Variants in INPP4B observed in about 807,000 individuals in gnomAD.
INPP4B encodes the protein inositol polyphosphate-4-phosphatase type II B.
Under a neutral mutation model 122.5 loss-of-function variants are expected in INPP4B, and 55 were observed. That is an observed-to-expected ratio of 0.45 (90% CI 0.36 to 0.56). The LOEUF (loss-of-function observed/expected upper bound fraction) is 0.56. INPP4B is among the 20% of genes least tolerant of loss of function. The pLI is 0.00. For missense variants in INPP4B, 1,000 were observed against 1,097.7 expected (o/e 0.91, Z 1.26); for synonymous variants, 403 against 388.7 (o/e 1.04, Z -0.43).
intron 2 of INPP4B, among the ~76,000 whole-genome samples, chr4:142,667,824 T>A (rs932833468): frequency 6.6e-6 from 1 of 152,142 alleles, no homozygotes; most frequent in African/African-American, 2.4e-5. Context: ...AATCTGAAAC[T>A]AAGTGCTATG....
intron 2 of INPP4B, among the ~76,000 whole-genome samples, chr4:142,535,379 G>A (rs532697716): frequency 1.3e-5 from 2 of 152,140 alleles, no homozygotes; most frequent in South Asian, 4.1e-4. Flanking sequence ...AATACTTCCT[G>A]TACTTTGGGC....
intron 2 of INPP4B, among the ~76,000 whole-genome samples, chr4:142,641,524 G>T (rs1023170040): frequency 2.6e-5 from 4 of 151,364 alleles, no homozygotes; most frequent in Non-Finnish European, 5.9e-5. Context: ...GCGGTGTTTG[G>T]TTTTTTATCC....
chr4:142,108,464 A>G (rs1397710176), intron 22 of INPP4B, among the ~76,000 whole-genome samples: 1 of 98,074 alleles, frequency 1.0e-5, no homozygotes, highest in Non-Finnish European at 2.6e-5. Context: ...GTCTCTGTGC[A>G]TGGACATAAT....
At chr4:142,032,182 A>G (rs180854785) in intron 25 of INPP4B, among the ~76,000 whole-genome samples, 16 of 152,236 alleles carry the variant, frequency 1.1e-4, no homozygotes, top group African/African-American at 2.2e-4. Context: ...AGGGGACTGG[A>G]AAGTTTAGGC....
At chr4:142,373,767 T>C (rs1790791841) in intron 7 of INPP4B, among the ~76,000 whole-genome samples, 1 of 152,106 alleles carries the variant, frequency 6.6e-6, no homozygotes, top group South Asian at 2.1e-4. Flanking sequence ...TTAATATAAA[T>C]AAAGAGTCAT....
intron 2 of INPP4B, among the ~76,000 whole-genome samples, chr4:142,618,995 C>T (rs1744301886): frequency 6.6e-6 from 1 of 152,010 alleles, no homozygotes; most frequent in South Asian, 2.1e-4. Flanking sequence ...TGCTGCCCAA[C>T]ATCACTCATC....
At chr4:142,334,398 A>G (rs1216527765) in intron 7 of INPP4B, among the ~76,000 whole-genome samples, 1 of 152,188 alleles carries the variant, frequency 6.6e-6, no homozygotes, top group Non-Finnish European at 1.5e-5. Context: ...TATTGTGAAT[A>G]ATGCTGCAAT....
chr4:142,383,931 A>T, intron 7 of INPP4B: 1 of 583,258 alleles, frequency 1.7e-6, no homozygotes. Flanking sequence ...CAGCTATTTC[A>T]CAAGAAAACT....
intron 11 of INPP4B, among the ~76,000 whole-genome samples, chr4:142,253,526 G>C (rs1430497104): frequency 6.6e-6 from 1 of 152,202 alleles, no homozygotes; most frequent in Non-Finnish European, 1.5e-5. Flanking sequence ...GCAGGGCGAG[G>C]CATTGCCTCA....
chr4:142,355,418 ATTAAT>A (rs1386005956), intron 7 of INPP4B, among the ~76,000 whole-genome samples: 1 of 152,020 alleles, frequency 6.6e-6, no homozygotes, highest in Non-Finnish European at 1.5e-5. Context: ...GTTACAGGTC[ATTAAT>A]TTATTTATTC....
Position 142,025,829 on chromosome 4 carries a change from C to T in INPP4B, c.*2953G>A, listed in dbSNP as rs1440678163. On this transcript the variant is annotated 3_prime_UTR_variant, in exon 26 of 26. Transcript: ENST00000262992. ...ATTTAGTACAATTTATCACTTGGAA[C>T]AAATGGTTGCTCGACTCACTGAATT... 1 of 152,086 alleles carries T rather than the reference C, an allele frequency of 6.6e-6. No individual in the cohort carries two copies. Among genetic ancestry groups the T allele is most frequent in the Non-Finnish European group, 1.5e-5 (1 of 68,028 alleles). 9.4% of individuals were successfully genotyped at this position (152,086 alleles called of 1,614,324 possible).
intron 11 of INPP4B, among the ~76,000 whole-genome samples, chr4:142,252,939 G>C (rs757643548): frequency 3.3e-5 from 5 of 152,152 alleles, no homozygotes; most frequent in Non-Finnish European, 5.9e-5. Flanking sequence ...AAACATCATA[G>C]AGTACACTTA....
chr4:142,530,532 T>C (rs781396525), intron 2 of INPP4B, among the ~76,000 whole-genome samples: 22 of 133,482 alleles, frequency 1.6e-4, no homozygotes, highest in Non-Finnish European at 1.3e-4. Context: ...GAGAGTGATA[T>C]ACATATATAT....
chr4:142,246,072 TACAC>T (rs1444314019), intron 11 of INPP4B, among the ~76,000 whole-genome samples: 1 of 135,994 alleles, frequency 7.4e-6, no homozygotes, highest in Non-Finnish European at 1.5e-5. Flanking sequence ...TGTGTGTGTA[TACAC>T]ACATTATATA....
At chr4:142,438,343 C>T (rs1026674727) in intron 3 of INPP4B, among the ~76,000 whole-genome samples, 2 of 152,054 alleles carry the variant, frequency 1.3e-5, no homozygotes, top group East Asian at 3.8e-4. Flanking sequence ...GGTACTGTTA[C>T]CAAAACCAAC....
intron 7 of INPP4B, among the ~76,000 whole-genome samples, chr4:142,332,502 G>A (rs1561869058): frequency 6.6e-6 from 1 of 150,676 alleles, no homozygotes; most frequent in African/African-American, 2.4e-5. Context: ...ATTAAAGGGG[G>A]AAAAAAAAGC....
At chr4:142,116,761 C>T (rs1793723634) in intron 21 of INPP4B, among the ~76,000 whole-genome samples, 1 of 151,896 alleles carries the variant, frequency 6.6e-6, no homozygotes, top group Non-Finnish European at 1.5e-5. Flanking sequence ...ACTTGAGAAG[C>T]AAGAGCAAAC....
intron 1 of INPP4B, among the ~76,000 whole-genome samples, chr4:142,763,824 A>T (rs1022712830): frequency 1.3e-5 from 2 of 152,134 alleles, no homozygotes; most frequent in Non-Finnish European, 2.9e-5. Context: ...TTGCTTTGTA[A>T]AAATTTTTTT....
intron 2 of INPP4B, among the ~76,000 whole-genome samples, chr4:142,608,908 C>A (rs531209003): frequency 6.6e-6 from 1 of 152,146 alleles, no homozygotes; most frequent in Non-Finnish European, 1.5e-5. Flanking sequence ...CCAATCTCCA[C>A]TCTTGTCATA....
Sources: gnomAD v4.1 joint callset for allele counts (sites outside exome capture counted in the v4.1 genomes callset) on GRCh38, gnomAD v4.1.1 for gene constraint, MANE v1.5 for transcripts, NCBI Gene and HGNC (gene_info 2026-07-23, HGNC 2026-07-21) for gene names.